The following KIAA1217 variants were observed in gnomAD, a reference collection of about 807,000 sequenced individuals.
KIAA1217 encodes sickle tail protein homolog.
A neutral mutation model predicts 163.9 loss-of-function variants in KIAA1217; 88 were observed. The observed-to-expected ratio is 0.54, with a 90% CI of 0.45 to 0.64. The LOEUF is 0.64. Among genes scored for constraint, KIAA1217 ranks in the 30% least tolerant of loss-of-function variants. KIAA1217 has a pLI of 0.00. For missense variants in KIAA1217, 2,372 were observed against 2,475.0 expected (o/e 0.96, Z 0.88); for synonymous variants, 903 against 923.1 (o/e 0.98, Z 0.39).
chr10:24,165,776 A>G (rs946593980), intron 2 of KIAA1217, among the ~76,000 whole-genome samples: 1 of 152,200 alleles, frequency 6.6e-6, no homozygotes, highest in Non-Finnish European at 1.5e-5. Context: ...AAATGAAACT[A>G]TTTCATGTTT....
chr10:24,406,925 CTT>C (rs1226925198), intron 3 of KIAA1217, among the ~76,000 whole-genome samples: 1 of 152,194 alleles, frequency 6.6e-6, no homozygotes, highest in Non-Finnish European at 1.5e-5. Flanking sequence ...TTGCCCAACT[CTT>C]TCATAATAGT....
intron 1 of KIAA1217, among the ~76,000 whole-genome samples, chr10:23,878,739 A>G (rs970235768): frequency 6.6e-6 from 1 of 151,932 alleles, no homozygotes; most frequent in African/African-American, 2.4e-5. Context: ...GCATCTGTCT[A>G]GAGAAAAGTG....
intron 1 of KIAA1217, among the ~76,000 whole-genome samples, chr10:23,842,744 G>T (rs1287176314): frequency 6.6e-6 from 1 of 151,968 alleles, no homozygotes; most frequent in East Asian, 1.9e-4. Context: ...AGTCATCTCT[G>T]TTGAGACTAT....
intron 1 of KIAA1217, among the ~76,000 whole-genome samples, chr10:23,998,495 C>T (rs1377339621): frequency 6.6e-6 from 1 of 152,208 alleles, no homozygotes; most frequent in African/African-American, 2.4e-5. Flanking sequence ...CAAGCATTGC[C>T]CGACCTGGGG....
chr10:24,107,643 G>A lies in KIAA1217; in HGVS notation c.-171+100269G>A, dbSNP rs542755349. On this transcript the variant is annotated intron_variant, in intron 2 of 18. Transcript: ENST00000376462. ...CATTTCTCTAATGATTAGTGATTTT[G>A]AGCGTTTTTTCATATGCTTGTTGGC... Among the ~76,000 whole-genome samples, 22 of 152,264 alleles carry A rather than the reference G, an allele frequency of 1.4e-4. No homozygotes were observed. The East Asian group carries it at 2.5e-3, about 17-fold the overall frequency.
Position 24,438,418 on chromosome 10 carries a change from A to G in KIAA1217, c.785A>G (p.Tyr262Cys). ...CAAGACAGATCACTCCTCAAAGTGT[A>G]CAACAAGGATCCTGCACATGCGTTT... ...NIQDRSLLKV[Y>C]NKDPAHAFNH... The change falls in exon 5 of 21, where the codon TAC (tyrosine) becomes TGC (cysteine). Residue 262 changes from tyrosine (Y) to cysteine (C), a missense_variant. Physicochemically the swap from Tyr to Cys is radical, Grantham distance 194. Transcript: ENST00000376454. 3 of 1,613,422 alleles carry G rather than the reference A, an allele frequency of 1.9e-6. No individual in the cohort carries two copies. Among genetic ancestry groups the G allele is most frequent in the South Asian group, 1.1e-5 (1 of 91,058 alleles).
chr10:24,161,463 C>A (rs575102244), intron 2 of KIAA1217, among the ~76,000 whole-genome samples: 6 of 152,326 alleles, frequency 3.9e-5, no homozygotes, highest in African/African-American at 1.4e-4. Context: ...ACGCTGGGCT[C>A]TACGTCCTGA....
chr10:24,523,463 G>C (rs1238024480), intron 12 of KIAA1217, among the ~76,000 whole-genome samples: 2 of 152,140 alleles, frequency 1.3e-5, no homozygotes, highest in Non-Finnish European at 2.9e-5. Context: ...TAGCAGAAGA[G>C]TTATAGAATG....
chr10:24,433,616 A>G (rs1591891677), intron 4 of KIAA1217, among the ~76,000 whole-genome samples: 1 of 152,318 alleles, frequency 6.6e-6, no homozygotes, highest in East Asian at 1.9e-4. Context: ...ACTAAGGCCC[A>G]AAAAGGTAGC....
chr10:24,162,613 T>A (rs2065169644), intron 2 of KIAA1217, among the ~76,000 whole-genome samples: 1 of 152,216 alleles, frequency 6.6e-6, no homozygotes, highest in Non-Finnish European at 1.5e-5. Context: ...CTATATTAGT[T>A]ATCTGTTCTG....
At chr10:24,237,169 C>G (rs1162448164) in intron 2 of KIAA1217, among the ~76,000 whole-genome samples, 2 of 152,200 alleles carry the variant, frequency 1.3e-5, no homozygotes, top group Non-Finnish European at 2.9e-5. Context: ...AGATGTTTTT[C>G]TCATTCAGGG....
Position 23,740,029 on chromosome 10 carries a change from T to C in KIAA1217, c.-321+44795T>C, listed in dbSNP as rs183388224. On this transcript the variant is annotated intron_variant, in intron 1 of 18. Coordinates refer to the KIAA1217 transcript ENST00000376462. ...GAGGGGAGATGAGATTTGGTGAAGATGGGGGGGTTCCATTTTATACATCTT... is the reference window on the plus strand; with the variant it reads ...GAGGGGAGATGAGATTTGGTGAAGACGGGGGGGTTCCATTTTATACATCTT... 8.2e-4 allele frequency among the ~76,000 whole-genome samples: 124 copies of C among 151,570 alleles called. 2 individuals carry two copies. The highest frequency in any genetic ancestry group is 3.5e-3 in the Admixed American group (54 of 15,236).
At position 23,855,363 on chromosome 10, in the gene KIAA1217, A is replaced by G. The variant is rs549732549; in HGVS notation, c.-320-151862A>G. On this transcript the variant is annotated intron_variant, in intron 1 of 18. Transcript: ENST00000376462. ...TGGCCCCTACTCTCTTCTGGCTTGT[A>G]GAGTTTCTGCTGAGAGATCCGCTGT... Among the ~76,000 whole-genome samples the G allele has an allele frequency of 2.6e-5, 4 of 152,296 alleles. No individual in the cohort carries two copies. In the East Asian group the frequency reaches 7.7e-4, roughly 29 times the overall value.
At chr10:24,201,861 G>A (rs1355838368) in intron 2 of KIAA1217, among the ~76,000 whole-genome samples, 1 of 152,194 alleles carries the variant, frequency 6.6e-6, no homozygotes, top group Admixed American at 6.5e-5. Context: ...GGGCAAAGCA[G>A]GGGCTACAGT....
rs560862566 is a variant in KIAA1217, at chr10:24,445,010, C to G, written c.846+6531C>G. ...CTATTAATTTCTTGGTGCAATCTAT[C>G]AGGATATAAATAGTATTCATTCTCT... On this transcript the variant is annotated intron_variant, in intron 5 of 20. Transcript: ENST00000376454. Among the ~76,000 whole-genome samples the G allele has an allele frequency of 1.3e-4, 20 of 152,292 alleles. 1 individual carries two copies. Among genetic ancestry groups the G allele is most frequent in the Admixed American group, 1.2e-3 (18 of 15,306 alleles).
At chr10:23,829,537 A>G (rs1020762981) in intron 1 of KIAA1217, among the ~76,000 whole-genome samples, 7 of 152,198 alleles carry the variant, frequency 4.6e-5, no homozygotes, top group African/African-American at 1.2e-4. Context: ...CCTTTTTATT[A>G]GAAAGATTTG....
intron 1 of KIAA1217, among the ~76,000 whole-genome samples, chr10:23,951,178 G>A (rs1212035766): frequency 1.3e-5 from 2 of 152,142 alleles, no homozygotes; most frequent in African/African-American, 2.4e-5. Flanking sequence ...TTTCTTAGAT[G>A]AGGCAAGAGC....
chr10:23,944,364 G>A (rs1843920564), intron 1 of KIAA1217, among the ~76,000 whole-genome samples: 1 of 116,906 alleles, frequency 8.6e-6, no homozygotes, highest in Admixed American at 7.8e-5. Flanking sequence ...GGCAGAGGCT[G>A]CAGTGAGCGA....
chr10:24,425,386 T>A (rs1265760724), intron 3 of KIAA1217, among the ~76,000 whole-genome samples: 1 of 152,210 alleles, frequency 6.6e-6, no homozygotes, highest in East Asian at 1.9e-4. Context: ...AGTTTCTGTT[T>A]CAAATGTTGT....
Sources: gnomAD v4.1 joint callset for allele counts (sites outside exome capture counted in the v4.1 genomes callset) on GRCh38, gnomAD v4.1.1 for gene constraint, MANE v1.5 for transcripts, NCBI Gene and HGNC (gene_info 2026-07-23, HGNC 2026-07-21) for gene names.